The following WDPCP variants were observed in gnomAD, a reference collection of about 807,000 sequenced individuals.
The protein encoded by WDPCP is WD repeat containing planar cell polarity effector, also known as WD repeat-containing and planar cell polarity effector protein fritz homolog.
Under a neutral mutation model 93.1 loss-of-function variants are expected in WDPCP, and 71 were observed. The observed-to-expected ratio is 0.76, with a 90% CI of 0.63 to 0.93. WDPCP has a LOEUF of 0.93. Among genes scored for constraint, WDPCP ranks in the 40% least tolerant of loss-of-function variants. The pLI, the probability that WDPCP is intolerant of heterozygous loss-of-function variation, is 0.00. For synonymous variants in WDPCP, 315 were observed against 315.0 expected (o/e 1.00, Z 0.00); for missense variants, 844 against 887.4 (o/e 0.95, Z 0.62).
At chr2:63,796,684 A>C (rs578189298) in intron 2 of WDPCP, among the ~76,000 whole-genome samples, 5 of 152,378 alleles carry the variant, frequency 3.3e-5, no homozygotes, top group Admixed American at 3.3e-4. Context: ...GGAGAGCAGC[A>C]GTAGCCAGAG....
intron 6 of WDPCP, chr2:63,440,371 A>T (rs1030077155): frequency 6.6e-6 from 1 of 152,532 alleles, no homozygotes; most frequent in South Asian, 2.1e-4. Flanking sequence ...AAAAATAAAG[A>T]TCTTGTCAGT....
intron 9 of WDPCP, among the ~76,000 whole-genome samples, chr2:63,410,365 G>A (rs562149839): frequency 4.6e-5 from 7 of 152,258 alleles, no homozygotes; most frequent in African/African-American, 1.4e-4. Flanking sequence ...ACTGCTAAAA[G>A]GAGCTCTAAA....
chr2:63,127,208 G>A (rs1239163150), intron 17 of WDPCP, among the ~76,000 whole-genome samples: 7 of 145,310 alleles, frequency 4.8e-5, no homozygotes, highest in Admixed American at 2.9e-4. Context: ...TGCAGTCTCC[G>A]CCTCCAAGGT....
rs1575745353 is a variant in WDPCP at position 63,678,082 on chromosome 2, C to G, written n.309-27244G>C. 3.9e-5 allele frequency among the ~76,000 whole-genome samples: 6 copies of G among 152,212 alleles called. No individual in the cohort carries two copies. The East Asian group carries it at 1.2e-3, about 29-fold the overall frequency. Reference sequence around the variant, plus strand: ...TAAATAAAGCTTGAAAATAGGGGTTCATTTTTCTAATATAACAAGAAATTA... The same window carrying G: ...TAAATAAAGCTTGAAAATAGGGGTTGATTTTTCTAATATAACAAGAAATTA... On this transcript the variant is annotated intron_variant and non_coding_transcript_variant, in intron 2 of 4. Transcript: ENST00000467687.
intron 1 of WDPCP, among the ~76,000 whole-genome samples, chr2:63,508,473 G>T: frequency 6.6e-6 from 1 of 152,148 alleles, no homozygotes; most frequent in East Asian, 1.9e-4. Flanking sequence ...ACCAGCCACT[G>T]CAAAAACAAA....
intron 2 of WDPCP, among the ~76,000 whole-genome samples, chr2:63,749,832 G>T (rs1669853861): frequency 6.6e-6 from 1 of 152,074 alleles, no homozygotes; most frequent in Non-Finnish European, 1.5e-5. Flanking sequence ...CAAACTAGGT[G>T]CCTATTCTTC....
chr2:63,328,537 G>A (rs1687741912), intron 12 of WDPCP, among the ~76,000 whole-genome samples: 1 of 152,114 alleles, frequency 6.6e-6, no homozygotes, highest in African/African-American at 2.4e-5. Flanking sequence ...CTTAACTCCT[G>A]AAGTCAGCAA....
intron 6 of WDPCP, among the ~76,000 whole-genome samples, chr2:63,456,271 G>T (rs778110881): frequency 4.1e-4 from 62 of 152,026 alleles, no homozygotes; most frequent in Admixed American, 2.5e-3. Flanking sequence ...ACAAAAATTA[G>T]CCAGGCGTGG....
At chr2:63,521,120 T>C (rs976018952) in intron 1 of WDPCP, among the ~76,000 whole-genome samples, 7 of 152,118 alleles carry the variant, frequency 4.6e-5, no homozygotes, top group African/African-American at 7.2e-5. Context: ...TTTAAACTCA[T>C]AGACCAGTGA....
intron 3 of WDPCP, among the ~76,000 whole-genome samples, chr2:63,616,674 C>T (rs937234245): frequency 2.6e-5 from 4 of 152,074 alleles, no homozygotes; most frequent in African/African-American, 9.7e-5. Flanking sequence ...CTCCCTTCCT[C>T]CTATATTAGA....
intron 2 of WDPCP, among the ~76,000 whole-genome samples, chr2:63,731,969 C>G (rs543870696): frequency 1.3e-5 from 2 of 152,282 alleles, no homozygotes; most frequent in African/African-American, 4.8e-5. Context: ...AGATGCCAGA[C>G]AAACTGCTAA....
chr2:63,622,443 G>A (rs1709752846), intron 3 of WDPCP: 1 of 1,613,764 alleles, frequency 6.2e-7, no homozygotes, highest in Non-Finnish European at 8.5e-7. Flanking sequence ...GGAGACCCAG[G>A]CTTCCCGGCG....
rs537140497 is a variant in WDPCP at position 63,767,805 on chromosome 2, G to C, written n.308+45817C>G. On this transcript the variant is annotated intron_variant and non_coding_transcript_variant, in intron 2 of 4. Coordinates refer to the WDPCP transcript ENST00000467687. ...TCTGTGTGGCTTTTCACTCTCTTTGGTGTCTTTCTATCAGCAAAATGTCTC... is the reference window on the plus strand; with the variant it reads ...TCTGTGTGGCTTTTCACTCTCTTTGCTGTCTTTCTATCAGCAAAATGTCTC... Among the ~76,000 whole-genome samples, 135 of 151,920 alleles carry C rather than the reference G, an allele frequency of 8.9e-4. 1 individual carries two copies. The highest frequency in any genetic ancestry group is 1.6e-3 in the Non-Finnish European group (111 of 67,904).
intron 1 of WDPCP, among the ~76,000 whole-genome samples, chr2:63,545,516 A>C (rs1466606723): frequency 6.6e-6 from 1 of 152,168 alleles, no homozygotes; most frequent in African/African-American, 2.4e-5. Flanking sequence ...TCTGTTCTCC[A>C]GCATCAGGCT....
intron 2 of WDPCP, among the ~76,000 whole-genome samples, chr2:63,811,237 T>C (rs1014020491): frequency 6.6e-6 from 1 of 152,182 alleles, no homozygotes; most frequent in Non-Finnish European, 1.5e-5. Flanking sequence ...TATTCATACC[T>C]CTCTGAGTGT....
intron 2 of WDPCP, among the ~76,000 whole-genome samples, chr2:63,697,157 G>C (rs895473778): frequency 2.0e-5 from 3 of 152,040 alleles, no homozygotes; most frequent in Non-Finnish European, 4.4e-5. Context: ...AGTTATAGTA[G>C]TTGTAGTAGT....
chr2:63,329,392 C>T (rs1687812618), intron 12 of WDPCP, among the ~76,000 whole-genome samples: 1 of 152,124 alleles, frequency 6.6e-6, no homozygotes, highest in African/African-American at 2.4e-5. Context: ...TATTTATGTA[C>T]ATACCGCACT....
Position 63,351,341 on chromosome 2 carries a change from T to G in WDPCP, c.1748+27045A>C, listed in dbSNP as rs572539398. Among the ~76,000 whole-genome samples, 178 of 152,134 alleles carry G rather than the reference T, an allele frequency of 1.2e-3. 2 individuals carry two copies. The highest frequency in any genetic ancestry group is 4.0e-3 in the African/African-American group (165 of 41,512). ...AGGTTTGCTACATGGGAATATTGTG[T>G]GATGCTAAGGTTTGGGGTATGGATC... is the stretch of plus-strand genomic sequence containing the variant. On this transcript the variant is annotated intron_variant, in intron 12 of 17. Coordinates refer to ENST00000272321, the MANE Select transcript of WDPCP (RefSeq NM_015910.7).
intron 13 of WDPCP, among the ~76,000 whole-genome samples, chr2:63,292,038 C>A (rs1424698155): frequency 5.5e-5 from 8 of 145,896 alleles, no homozygotes; most frequent in African/African-American, 1.0e-4. Context: ...GAGGCTGAGG[C>A]AGGAGAATGG....
Sources: allele counts gnomAD v4.1 joint callset (sites outside exome capture counted in the v4.1 genomes callset), GRCh38; gene constraint gnomAD v4.1.1; transcripts MANE v1.5; gene names NCBI Gene and HGNC (gene_info 2026-07-23, HGNC 2026-07-21).